The following PTPRJ variants were observed in gnomAD, a reference collection of about 807,000 sequenced individuals.
The protein encoded by PTPRJ is receptor-type tyrosine-protein phosphatase eta.
Under a neutral mutation model 141.3 loss-of-function variants are expected in PTPRJ, and 129 were observed. The observed-to-expected ratio is 0.91, with a 90% CI of 0.79 to 1.06. The LOEUF (loss-of-function observed/expected upper bound fraction) is 1.06, where lower values mean the gene tolerates loss of function less well. PTPRJ is among the 50% of genes least tolerant of loss of function. The pLI, the probability that PTPRJ is intolerant of heterozygous loss-of-function variation, is 0.00. For missense variants in PTPRJ, 1,601 were observed against 1,679.7 expected, an observed-to-expected ratio of 0.95 and a Z score of 0.82; for synonymous variants, 610 against 640.5, an observed-to-expected ratio of 0.95 and a Z score of 0.72.
At chr11:48,100,696 A>C (rs1856127905) in intron 1 of PTPRJ, among the ~76,000 whole-genome samples, 1 of 152,108 alleles carries the variant, frequency 6.6e-6, no homozygotes, top group Non-Finnish European at 1.5e-5. Context: ...CAGCCTAGCC[A>C]ACATGGTGAA....
rs544880649 is a variant in PTPRJ, at chr11:48,112,784, T to G, written c.153T>G (p.Val51=). 1 of 1,614,208 alleles carries G rather than the reference T, an allele frequency of 6.2e-7. No individual in the cohort carries two copies. The highest frequency in any genetic ancestry group is 8.5e-7 in the Non-Finnish European group (1 of 1,180,012). The change falls in exon 3 of 25, where the codon GTT becomes GTG. Residue 51 remains valine (V), a synonymous_variant. Transcript: ENST00000418331. ...TTCCTGACCCTTCAGTAGCAACTGT[T>G]GCCACAGGGGAAAATGGCATAACGC... is the stretch of plus-strand genomic sequence containing the variant. ...SPIPDPSVAT[V]ATGENGITQI...
intron 21 of PTPRJ, among the ~76,000 whole-genome samples, chr11:48,159,161 G>GTGTGTGTGTA (rs60389100): frequency 0.085 from 11,102 of 130,494 alleles, 1,152 homozygotes; most frequent in African/African-American, 0.15. Flanking sequence ...GTGTGTGTGT[G>GTGTGTGTGTA]GTCATTTGCC....
In PTPRJ at chr11:47,981,117, G is replaced by A. The variant is rs1177213747; in HGVS notation, c.96+109G>A. 6.4e-6 allele frequency: 7 copies of A among 1,088,460 alleles called. No individual in the cohort carries two copies. The South Asian group carries it at 2.3e-4, about 35-fold the overall frequency. 67.4% of individuals were successfully genotyped at this position (1,088,460 alleles called of 1,614,324 possible). A position where few individuals can be genotyped will look rare whatever the true frequency, so the allele number is the denominator to read the frequency against. On this transcript the variant is annotated intron_variant, in intron 1 of 24. Coordinates refer to ENST00000418331, the MANE Select transcript of PTPRJ (RefSeq NM_002843.4). ...GGGGGGTTCCGGGGAAGGGGGCGGG[G>A]GTCCGGATCCCCGGATCCCCGGAAG...
intron 1 of PTPRJ, among the ~76,000 whole-genome samples, chr11:48,032,963 A>G (rs1332715640): frequency 6.6e-6 from 1 of 152,092 alleles, no homozygotes; most frequent in Non-Finnish European, 1.5e-5. Context: ...CACGCCTGTA[A>G]TCTTAGCACT....
At chr11:48,126,851 C>T (rs1856848542) in intron 6 of PTPRJ, among the ~76,000 whole-genome samples, 1 of 151,638 alleles carries the variant, frequency 6.6e-6, no homozygotes, top group South Asian at 2.1e-4. Context: ...CACCCCAGAG[C>T]ACCCTGCACT....
intron 1 of PTPRJ, among the ~76,000 whole-genome samples, chr11:48,004,298 C>T (rs140334770): frequency 2.1e-3 from 317 of 152,342 alleles, no homozygotes; most frequent in African/African-American, 4.7e-3. Context: ...TCCTCCCCTG[C>T]GTCCTCCCTA....
intron 8 of PTPRJ, chr11:48,131,724 T>C: frequency 2.0e-6 from 1 of 504,108 alleles, no homozygotes; most frequent in Non-Finnish European, 3.5e-6. Flanking sequence ...AAGCCTGAGA[T>C]ATTTATTTTC....
At position 48,167,378 on chromosome 11, in the gene PTPRJ, C is replaced by T; in HGVS notation, c.*16C>T. Reference sequence around the variant, plus strand: ...CATCGCCTAATTCCAAAGGAATAACCTTTCTGGAGTGAACCAGACCGTCGC... The same window carrying T: ...CATCGCCTAATTCCAAAGGAATAACTTTTCTGGAGTGAACCAGACCGTCGC... On this transcript the variant is annotated 3_prime_UTR_variant, in exon 25 of 25. Transcript: ENST00000418331. The T allele has an allele frequency of 6.2e-7, 1 of 1,612,928 alleles. No homozygotes were observed. The highest frequency in any genetic ancestry group is 8.5e-7 in the Non-Finnish European group (1 of 1,179,346).
chr11:48,062,671 T>G (rs908779322), intron 1 of PTPRJ, among the ~76,000 whole-genome samples: 2 of 152,244 alleles, frequency 1.3e-5, no homozygotes, highest in African/African-American at 4.8e-5. Flanking sequence ...GACAAGGTGC[T>G]GGAGCAGCGT....
intron 1 of PTPRJ, among the ~76,000 whole-genome samples, chr11:48,087,735 T>C (rs1164057599): frequency 6.6e-6 from 1 of 152,236 alleles, no homozygotes; most frequent in Non-Finnish European, 1.5e-5. Context: ...CTGTTACTTA[T>C]GAGCTGATTT....
intron 21 of PTPRJ, among the ~76,000 whole-genome samples, chr11:48,159,138 T>TATGTGGGGG (rs1857697898): frequency 1.4e-5 from 2 of 147,940 alleles, no homozygotes; most frequent in Non-Finnish European, 3.0e-5. Context: ...TGTGTGTGTG[T>TATGTGGGGG]GTGTGTGTGT....
intron 1 of PTPRJ, among the ~76,000 whole-genome samples, chr11:48,022,138 A>G (rs1040500606): frequency 6.6e-6 from 1 of 152,182 alleles, no homozygotes; most frequent in Non-Finnish European, 1.5e-5. Flanking sequence ...CCTCAGGCCC[A>G]TGGTAAATTT....
intron 1 of PTPRJ, among the ~76,000 whole-genome samples, chr11:48,006,336 G>A (rs1183062694): frequency 6.6e-6 from 1 of 152,060 alleles, no homozygotes; most frequent in African/African-American, 2.4e-5. Context: ...GGTGGAGTGG[G>A]AAAGGAGGGC....
intron 1 of PTPRJ, among the ~76,000 whole-genome samples, chr11:47,989,165 G>C (rs1383432567): frequency 6.6e-6 from 1 of 151,750 alleles, no homozygotes; most frequent in Non-Finnish European, 1.5e-5. Context: ...TTACAGGTGT[G>C]AGCCACCGCG....
chr11:48,001,807 T>C (rs925532301), intron 1 of PTPRJ, among the ~76,000 whole-genome samples: 1 of 151,940 alleles, frequency 6.6e-6, no homozygotes, highest in Non-Finnish European at 1.5e-5. Context: ...AGAGTCAGAG[T>C]GTTAGGTAGG....
At chr11:47,985,723 CGAA>C in intron 1 of PTPRJ, among the ~76,000 whole-genome samples, 1 of 150,426 alleles carries the variant, frequency 6.6e-6, no homozygotes, top group South Asian at 2.1e-4. Context: ...TTTATTGAGA[CGAA>C]GTCTCACTCT....
At chr11:48,162,527 T>G (rs927660768) in intron 22 of PTPRJ, among the ~76,000 whole-genome samples, 2 of 152,216 alleles carry the variant, frequency 1.3e-5, no homozygotes, top group African/African-American at 4.8e-5. Flanking sequence ...TTCTAGCACC[T>G]CTCCCTTCAC....
chr11:48,129,160 T>C (rs10769317), intron 7 of PTPRJ, among the ~76,000 whole-genome samples: 101,787 of 152,092 alleles, frequency 0.67, 35,705 homozygotes, highest in East Asian at 0.81. Flanking sequence ...CCAAAAGGGA[T>C]TTATCCTGGG....
At chr11:48,137,718 A>C (rs993852663) in intron 10 of PTPRJ, among the ~76,000 whole-genome samples, 9 of 152,168 alleles carry the variant, frequency 5.9e-5, no homozygotes, top group African/African-American at 1.9e-4. Context: ...GAGGAAGAGC[A>C]GGAGGCAAGG....
Sources: allele counts gnomAD v4.1 joint callset (sites outside exome capture counted in the v4.1 genomes callset), GRCh38; gene constraint gnomAD v4.1.1; transcripts MANE v1.5; gene names NCBI Gene and HGNC (gene_info 2026-07-23, HGNC 2026-07-21).